Variants in RELB observed in about 807,000 individuals in gnomAD.
RELB encodes the protein RELB proto-oncogene, NF-kB subunit, also known as transcription factor RelB.
Under a neutral mutation model 55.4 loss-of-function variants are expected in RELB, and 14 were observed. The ratio of observed to expected loss-of-function variants is 0.25; its 90% confidence interval spans 0.17 to 0.40. The LOEUF (loss-of-function observed/expected upper bound fraction) is 0.40, where lower values mean the gene tolerates loss of function less well. Among genes scored for constraint, RELB ranks in the 10% least tolerant of loss-of-function variants. RELB has a pLI of 1.00. For synonymous variants in RELB, 409 were observed against 371.3 expected (o/e 1.10, Z -1.17); for missense variants, 669 against 830.7 (o/e 0.81, Z 2.39).
At position 45,021,212 on chromosome 19, in the gene RELB, G is replaced by T. The variant is rs540020177; in HGVS notation, c.505-841G>T. On this transcript the variant is annotated intron_variant, in intron 4 of 11. Coordinates refer to ENST00000221452, the MANE Select transcript of RELB (RefSeq NM_006509.4). ...AAAAAGGCCAGGCACGGTGACTCAC[G>T]CCTGTAATCCCAGCACTTTGGGAGG... Among the ~76,000 whole-genome samples, 5 of 152,032 alleles carry T rather than the reference G, an allele frequency of 3.3e-5. No homozygotes were observed. The East Asian group carries it at 9.8e-4, about 30-fold the overall frequency.
intron 4 of RELB, among the ~76,000 whole-genome samples, chr19:45,019,469 A>G (rs972776170): frequency 6.6e-6 from 1 of 152,142 alleles, no homozygotes; most frequent in African/African-American, 2.4e-5. Context: ...GCTCCTCTGT[A>G]GCTACAATCT....
At position 45,001,471 on chromosome 19, in the gene RELB, C is replaced by G. The variant is rs1223800647; in HGVS notation, c.-109C>G. 4 of 270,130 alleles carry G rather than the reference C, an allele frequency of 1.5e-5. No individual in the cohort carries two copies. The highest frequency in any genetic ancestry group is 6.4e-5 in the Admixed American group (1 of 15,540). The allele number at this position is 270,130 out of a possible 1,614,324, so 16.7% of individuals were successfully genotyped here. The stretch of plus-strand genomic sequence containing the variant: ...CCCGGCCCCGCGCCCCGCGCAGCCC[C>G]GGGCGCCGCGCGTCCTGCCCGGCCT... On this transcript the variant is annotated 5_prime_UTR_variant, in exon 1 of 12. Transcript: ENST00000221452.
intron 2 of RELB, among the ~76,000 whole-genome samples, chr19:45,007,921 C>T (rs527313782): frequency 1.4e-5 from 2 of 146,080 alleles, no homozygotes; most frequent in Admixed American, 1.4e-4. Flanking sequence ...CTTTAGGAGG[C>T]CGAGGTGCGC....
chr19:45,009,944 T>C (rs1460910059), intron 3 of RELB, 122 bp downstream of exon 3: 5 of 1,002,718 alleles, frequency 5.0e-6, no homozygotes, highest in South Asian at 1.4e-5. Context: ...CTTCCAGGAC[T>C]GTGGAGGGAT....
rs765783059 is a variant in RELB, at chr19:45,022,057, G to A, written c.509G>A (p.Arg170Gln). The A allele has an allele frequency of 3.1e-5, 50 of 1,608,084 alleles. No homozygotes were observed. The East Asian group carries it at 4.9e-4, about 16-fold the overall frequency. The change falls in exon 5 of 12, where the codon CGG (arginine) becomes CAG (glutamine). Residue 170 changes from arginine (R) to glutamine (Q), a missense_variant. Coordinates refer to ENST00000221452, the MANE Select transcript of RELB (RefSeq NM_006509.4). ...AGAGGACTTCTCTTCCTGCAGCTCC[G>A]GGATTGTGGAGGGCTGCGGGAGGTG... ...ASKTLPAIEL[R>Q]DCGGLREVEV...
chr19:45,032,673 C>T lies in RELB; in HGVS notation c.1131C>T (p.Val377=). The part of the protein sequence containing the change: ...EDLEIVEPVT[V]NVFLQRLTDG... Reference sequence around the variant, plus strand: ...TGGAGATTGTCGAGCCCGTGACAGTCAACGTCTTCCTGCAGCGGCTCACCG... The same window carrying T: ...TGGAGATTGTCGAGCCCGTGACAGTTAACGTCTTCCTGCAGCGGCTCACCG... Residue 377 remains valine, a synonymous_variant, in exon 9 of 12, where the codon GTC becomes GTT. Transcript: ENST00000221452. The T allele has an allele frequency of 6.2e-6, 10 of 1,611,686 alleles. No individual in the cohort carries two copies. The highest frequency in any genetic ancestry group is 8.5e-6 in the Non-Finnish European group (10 of 1,179,016).
chr19:45,033,032 C>T (rs1392732599), intron 9 of RELB, among the ~76,000 whole-genome samples: 1 of 152,104 alleles, frequency 6.6e-6, no homozygotes, highest in Non-Finnish European at 1.5e-5. Flanking sequence ...GGCCTGTGCT[C>T]GGTATTGCTA....
At chr19:45,022,343 C>T in intron 5 of RELB, 133 bp downstream of exon 5, 1 of 862,800 alleles carries the variant, frequency 1.2e-6, no homozygotes, top group East Asian at 2.6e-5. Context: ...AGGTGGGAGA[C>T]AGGCCTGGGG....
intron 4 of RELB, among the ~76,000 whole-genome samples, chr19:45,017,452 A>AAAAAAAAAAC: frequency 6.6e-6 from 1 of 151,148 alleles, no homozygotes; most frequent in South Asian, 2.1e-4. Flanking sequence ...ATCTGTCTAA[A>AAAAAAAAAAC]AAAAAAAAAA....
At chr19:45,023,813 C>T (rs1337334410) in intron 5 of RELB, among the ~76,000 whole-genome samples, 1 of 135,866 alleles carries the variant, frequency 7.4e-6, no homozygotes, top group Non-Finnish European at 1.5e-5. Context: ...TGCAATGGCA[C>T]GATCTCTGCT....
At position 45,029,743 on chromosome 19, in the gene RELB, G is replaced by A. The variant is rs1457356645; in HGVS notation, c.991+751G>A. ...CATACACCTGTAATCCCAGCTACTC[G>A]GGAGGCTGAGGCAGGAGAATCGCTT... On this transcript the variant is annotated intron_variant, in intron 8 of 11. Coordinates refer to ENST00000221452, the MANE Select transcript of RELB (RefSeq NM_006509.4). 3.3e-5 allele frequency among the ~76,000 whole-genome samples: 5 copies of A among 152,008 alleles called. No homozygotes were observed. The South Asian group carries it at 8.3e-4, about 25-fold the overall frequency.
rs767955422 is a variant in RELB at position 45,002,901 on chromosome 19, C to T, written c.107-48C>T. ...GGCTTCCTTGGGATATTCTCTGGTC[C>T]TCTGGCTGCCCCCCATCACCTCCTG... On this transcript the variant is annotated intron_variant, in intron 1 of 11. Coordinates refer to ENST00000221452, the MANE Select transcript of RELB (RefSeq NM_006509.4). 9.7e-6 allele frequency: 15 copies of T among 1,544,558 alleles called. No individual in the cohort carries two copies. In the South Asian group the frequency reaches 1.6e-4, roughly 16 times the overall value.
At chr19:45,020,622 A>G (rs1971473064) in intron 4 of RELB, among the ~76,000 whole-genome samples, 1 of 135,038 alleles carries the variant, frequency 7.4e-6, no homozygotes, top group African/African-American at 2.9e-5. Flanking sequence ...CAGTGGCGCG[A>G]TCTTGGCTCA....
chr19:45,009,190 C>T lies in RELB; in HGVS notation c.155-624C>T, dbSNP rs139830678. Among the ~76,000 whole-genome samples, 827 of 152,312 alleles carry T rather than the reference C, an allele frequency of 5.4e-3. 7 individuals carry two copies. Among genetic ancestry groups the T allele is most frequent in the African/African-American group, 0.019 (788 of 41,568 alleles). The stretch of plus-strand genomic sequence containing the variant: ...CTGCCTCCTGAGTTCAAGCGATTCT[C>T]CTGCCTCAGCCTCCCGAGTAGCTGG... On this transcript the variant is annotated intron_variant, in intron 2 of 11. Coordinates refer to ENST00000221452, the MANE Select transcript of RELB (RefSeq NM_006509.4).
At chr19:45,003,853 G>A (rs1307902609) in intron 2 of RELB, among the ~76,000 whole-genome samples, 2 of 148,612 alleles carry the variant, frequency 1.3e-5, no homozygotes, top group African/African-American at 2.5e-5. Flanking sequence ...ATTATTACTA[G>A]ACAGTCTATA....
intron 3 of RELB, 150 bp from the exon 4 acceptor site, chr19:45,011,786 G>GTA: frequency 1.3e-5 from 5 of 385,730 alleles, no homozygotes; most frequent in Non-Finnish European, 2.2e-5. Context: ...GTGTGTGTGT[G>GTA]TGTGTGTGTG....
intron 4 of RELB, among the ~76,000 whole-genome samples, 173 bp downstream of exon 4, chr19:45,012,449 G>A (rs1358886564): frequency 6.6e-6 from 1 of 152,100 alleles, no homozygotes; most frequent in African/African-American, 2.4e-5. Flanking sequence ...AAAAAAGGAG[G>A]GGTCGGACAT....
At chr19:45,024,068 T>C (rs1307964513) in intron 5 of RELB, among the ~76,000 whole-genome samples, 1 of 133,072 alleles carries the variant, frequency 7.5e-6, no homozygotes, top group African/African-American at 2.8e-5. Flanking sequence ...ATCTCAAAAT[T>C]CTGACCTTGT....
intron 5 of RELB, among the ~76,000 whole-genome samples, chr19:45,023,278 C>A (rs927751045): frequency 2.6e-5 from 4 of 152,092 alleles, no homozygotes; most frequent in Non-Finnish European, 4.4e-5. Context: ...GGTGAGAGCA[C>A]CTGATTCTCC....
Sources: gnomAD v4.1 joint callset for allele counts (sites outside exome capture counted in the v4.1 genomes callset) on GRCh38, gnomAD v4.1.1 for gene constraint, MANE v1.5 for transcripts, NCBI Gene and HGNC (gene_info 2026-07-23, HGNC 2026-07-21) for gene names.